The following ASH1L variants were observed in gnomAD, a reference collection of about 807,000 sequenced individuals.
ASH1L encodes the protein histone-lysine N-methyltransferase ASH1L.
In ASH1L, 23 loss-of-function variants were observed where a neutral mutation model predicts 269.0. That is an observed-to-expected ratio of 0.09 (90% CI 0.06 to 0.12). The LOEUF (loss-of-function observed/expected upper bound fraction) is 0.12. Among genes scored for constraint, ASH1L ranks in the 10% least tolerant of loss-of-function variants. ASH1L has a pLI of 1.00. For synonymous variants in ASH1L, 1,187 were observed against 1,253.5 expected, an observed-to-expected ratio of 0.95 and a Z score of 1.12; for missense variants, 2,912 against 3,567.8, an observed-to-expected ratio of 0.82 and a Z score of 4.68.
chr1:155,441,069 A>G (rs1437194110), intron 4 of ASH1L, among the ~76,000 whole-genome samples: 1 of 152,136 alleles, frequency 6.6e-6, no homozygotes, highest in African/African-American at 2.4e-5. Flanking sequence ...TTCTTCTACT[A>G]CAGCCATCAA....
intron 3 of ASH1L, among the ~76,000 whole-genome samples, chr1:155,477,625 A>G (rs888702450): frequency 4.6e-5 from 7 of 152,148 alleles, no homozygotes; most frequent in African/African-American, 1.7e-4. Flanking sequence ...AAAAAGATGA[A>G]TGATTTTTCC....
intron 1 of ASH1L, among the ~76,000 whole-genome samples, chr1:155,546,158 C>A (rs1438325748): frequency 4.6e-3 from 514 of 110,658 alleles, no homozygotes; most frequent in South Asian, 6.6e-3. Context: ...ATTCCATCAC[C>A]AAAAAAAAAA....
chr1:155,501,887 T>C (rs1457078058), intron 2 of ASH1L, among the ~76,000 whole-genome samples: 4 of 151,968 alleles, frequency 2.6e-5, no homozygotes, highest in Non-Finnish European at 5.9e-5. Context: ...GGTCTCGATC[T>C]ATTGACCTCA....
At position 155,357,602 on chromosome 1, in the gene ASH1L, G is replaced by A; in HGVS notation, c.6943C>T (p.His2315Tyr). The A allele has an allele frequency of 6.2e-7, 1 of 1,614,024 alleles. No individual in the cohort carries two copies. The highest frequency in any genetic ancestry group is 8.5e-7 in the Non-Finnish European group (1 of 1,180,016). ...TTATTCACCCTTTTCTTCAGCTTGT[G>A]CTTAGACTTTCTCTTCTCTTTTGAC... ...GRSKEKRKSKHKLKKRRGHLS... is the reference protein window; with the variant it reads ...GRSKEKRKSKYKLKKRRGHLS... The change falls in exon 14 of 28, where the codon CAC (histidine) becomes TAC (tyrosine). Residue 2315 changes from histidine (H) to tyrosine (Y), a missense_variant. By Grantham distance (83) the His-to-Tyr change is moderately conservative. Coordinates refer to ENST00000392403, the MANE Select transcript of ASH1L (RefSeq NM_018489.3).
intron 1 of ASH1L, among the ~76,000 whole-genome samples, chr1:155,559,778 A>G (rs577354900): frequency 1.3e-5 from 2 of 152,248 alleles, no homozygotes; most frequent in South Asian, 2.1e-4. Context: ...CAGAGACCAT[A>G]TATTATTGAT....
intron 3 of ASH1L, among the ~76,000 whole-genome samples, chr1:155,468,859 TG>T (rs1485066079): frequency 6.6e-6 from 1 of 152,162 alleles, no homozygotes; most frequent in Non-Finnish European, 1.5e-5. Context: ...AAAAGCAACC[TG>T]ACATCACAGA....
Position 155,438,583 on chromosome 1 carries a change from G to A in ASH1L, c.5572C>T (p.Leu1858Phe), listed in dbSNP as rs1243064486. ...RRPGRPRKCPLQAVVSMQAFQ... is the reference protein window; with the variant it reads ...RRPGRPRKCPFQAVVSMQAFQ... ...GCTTGCATTGATACGACAGCCTGAA[G>A]GGGACATTTCCGAGGTCGACCTGGC... The change falls in exon 5 of 28, where the codon CTT becomes TTT. Residue 1858 changes from leucine to phenylalanine, a missense_variant. Physicochemically the swap from Leu to Phe is conservative, Grantham distance 22. Around this residue, in one of 13 missense-constraint regions of ASH1L, gnomAD observed 789 missense variants for 897.6 expected, o/e 0.88. Coordinates refer to ENST00000392403, the MANE Select transcript of ASH1L (RefSeq NM_018489.3). The A allele has an allele frequency of 6.2e-7, 1 of 1,614,178 alleles. No homozygotes were observed. Among genetic ancestry groups the A allele is most frequent in the South Asian group, 1.1e-5 (1 of 91,074 alleles).
intron 1 of ASH1L, among the ~76,000 whole-genome samples, chr1:155,561,806 A>T (rs941738247): frequency 6.6e-6 from 1 of 150,880 alleles, no homozygotes; most frequent in Non-Finnish European, 1.5e-5. Flanking sequence ...CGTGTCCTCG[A>T]CCACTCTTAT....
Position 155,357,078 on chromosome 1 carries a change from T to TACACACACACACACAC in ASH1L, c.7055+222_7055+237dup, listed in dbSNP as rs61213200. On this transcript the variant is annotated intron_variant, in intron 15 of 27. Transcript: ENST00000392403. The stretch of plus-strand genomic sequence containing the variant: ...GGGTGACAGAGTAAGATCCCAGCTC[T>TACACACACACACACAC]ACACACACACACACACACACACACA... Among the ~76,000 whole-genome samples, 5 of 53,084 alleles carry TACACACACACACACAC rather than the reference T, an allele frequency of 9.4e-5. No individual in the cohort carries two copies. The Admixed American group carries it at 1.1e-3, about 12-fold the overall frequency. The allele number at this position is 53,084 out of a possible 152,430, so 34.8% of individuals were successfully genotyped here.
chr1:155,484,625 A>AAAAC (rs1032317556), intron 2 of ASH1L, among the ~76,000 whole-genome samples: 1 of 151,966 alleles, frequency 6.6e-6, no homozygotes, highest in Non-Finnish European at 1.5e-5. Flanking sequence ...CATTACCCAA[A>AAAAC]AAACAAACAA....
chr1:155,454,704 G>A (rs757908088), intron 4 of ASH1L, among the ~76,000 whole-genome samples: 2 of 152,124 alleles, frequency 1.3e-5, no homozygotes, highest in Non-Finnish European at 2.9e-5. Context: ...GGAGGTGGAG[G>A]TTGCAGTGAG....
At chr1:155,376,811 C>A (rs1397240882) in intron 10 of ASH1L, among the ~76,000 whole-genome samples, 4 of 147,956 alleles carry the variant, frequency 2.7e-5, no homozygotes, top group Non-Finnish European at 4.5e-5. Context: ...GCCAAGATCG[C>A]GCCACTGCAC....
intron 1 of ASH1L, among the ~76,000 whole-genome samples, chr1:155,547,685 T>G (rs1402417936): frequency 1.3e-5 from 2 of 151,328 alleles, no homozygotes. Flanking sequence ...ATCATGATGT[T>G]GCACTCCAGC....
chr1:155,519,581 C>A (rs1023792118), intron 2 of ASH1L, among the ~76,000 whole-genome samples: 25 of 152,122 alleles, frequency 1.6e-4, no homozygotes, highest in Admixed American at 6.5e-5. Flanking sequence ...AAGCCAGACA[C>A]AAAATAACAA....
chr1:155,386,622 G>C (rs1657453043), intron 7 of ASH1L, among the ~76,000 whole-genome samples: 1 of 151,840 alleles, frequency 6.6e-6, no homozygotes, highest in Non-Finnish European at 1.5e-5. Flanking sequence ...TCAAACTCCT[G>C]ATCTCAAGTG....
chr1:155,464,517 C>CA lies in ASH1L; in HGVS notation c.4985-4620dup, dbSNP rs199682180. Among the ~76,000 whole-genome samples, 604 of 134,204 alleles carry CA rather than the reference C, an allele frequency of 4.5e-3. 5 individuals carry two copies. The highest frequency in any genetic ancestry group is 0.014 in the African/African-American group (515 of 36,542). The allele number at this position is 134,204 out of a possible 152,430, so 88.0% of individuals were successfully genotyped here. ...GGAAGTAGAAATTATAGGCAAGCTG[C>CA]AAAAAAAAAAAGTACCTAAATAAAA... On this transcript the variant is annotated intron_variant, in intron 3 of 27. Coordinates refer to ENST00000392403, the MANE Select transcript of ASH1L (RefSeq NM_018489.3).
At chr1:155,457,408 T>C (rs540022659) in intron 4 of ASH1L, among the ~76,000 whole-genome samples, 1 of 152,322 alleles carries the variant, frequency 6.6e-6, no homozygotes, top group South Asian at 2.1e-4. Context: ...AACAATGGGT[T>C]ATTCTTCAAA....
chr1:155,529,869 A>C (rs1669535818), intron 1 of ASH1L, among the ~76,000 whole-genome samples: 1 of 152,012 alleles, frequency 6.6e-6, no homozygotes, highest in Admixed American at 6.6e-5. Context: ...AGTTCCAAGA[A>C]GGAGGTACAA....
At chr1:155,434,207 G>T in intron 5 of ASH1L, 2 of 1,596,958 alleles carry the variant, frequency 1.3e-6, no homozygotes, top group Non-Finnish European at 8.5e-7. Flanking sequence ...CCCTGAGGGG[G>T]AAGCCTTTCC....
Sources: allele counts gnomAD v4.1 joint callset (sites outside exome capture counted in the v4.1 genomes callset), GRCh38; gene constraint gnomAD v4.1.1; regional missense constraint gnomAD v4.1.1; transcripts MANE v1.5; gene names NCBI Gene and HGNC (gene_info 2026-07-23, HGNC 2026-07-21).